The following CHAF1A variants were observed in gnomAD, a reference collection of about 807,000 sequenced individuals.
The protein encoded by CHAF1A is CAF-1 subunit A.
Under a neutral mutation model 93.2 loss-of-function variants are expected in CHAF1A, and 5 were observed. That is an observed-to-expected ratio of 0.05 (90% CI 0.03 to 0.11). The LOEUF (loss-of-function observed/expected upper bound fraction) is 0.11. Ranked by LOEUF, CHAF1A falls within the 10% of genes least tolerant of loss-of-function variation. CHAF1A has a pLI of 1.00. For synonymous variants in CHAF1A, 504 were observed against 510.3 expected (o/e 0.99, Z 0.17); for missense variants, 1,102 against 1,259.9 (o/e 0.87, Z 1.90).
In CHAF1A at chr19:4,408,939, A is replaced by C; in HGVS notation, c.140A>C (p.Lys47Thr). 6.2e-7 allele frequency: 1 copy of C among 1,611,224 alleles called. No homozygotes were observed. The highest frequency in any genetic ancestry group is 8.5e-7 in the Non-Finnish European group (1 of 1,179,258). The stretch of plus-strand genomic sequence containing the variant: ...TTTAAGCGCCTGAATCTTGTCCCAA[A>C]GGGGAAAGCCGATGACATGTCAGAC... Reference protein sequence around the residue: ...LPFKRLNLVPKGKADDMSDDQ... With the variant: ...LPFKRLNLVPTGKADDMSDDQ... Residue 47 changes from lysine (K) to threonine (T), a missense_variant, in exon 3 of 15, where the codon AAG (lysine) becomes ACG (threonine). Lys to Thr is a moderately conservative substitution (Grantham distance 78, BLOSUM62 -1). Around this residue, in one of 6 missense-constraint regions of CHAF1A, gnomAD observed 379 missense variants for 365.7 expected, o/e 1.04. Coordinates refer to ENST00000301280, the MANE Select transcript of CHAF1A (RefSeq NM_005483.3).
At position 4,443,199 on chromosome 19, in the gene CHAF1A, C is replaced by A. The variant is rs1974429721; in HGVS notation, c.*174C>A. The A allele has an allele frequency of 6.3e-6, 4 of 632,202 alleles. No individual in the cohort carries two copies. The highest frequency in any genetic ancestry group is 1.2e-5 in the Non-Finnish European group (4 of 344,496). 39.2% of individuals were successfully genotyped at this position (632,202 alleles called of 1,614,324 possible). A position where few individuals can be genotyped will look rare whatever the true frequency, so the allele number is the denominator to read the frequency against. ...TTCCTTTGATATTTGTAAAAATTCC[C>A]CCAAGAGCCGCATATGAATCTGCCC... On this transcript the variant is annotated 3_prime_UTR_variant, in exon 15 of 15. Transcript: ENST00000301280.
At chr19:4,425,155 A>G (rs377340353) in intron 7 of CHAF1A, among the ~76,000 whole-genome samples, 2 of 152,284 alleles carry the variant, frequency 1.3e-5, no homozygotes, top group Admixed American at 6.5e-5. Flanking sequence ...TTGTACCTAC[A>G]CATCATATTG....
At chr19:4,406,508 C>G (rs936574702) in intron 2 of CHAF1A, among the ~76,000 whole-genome samples, 1 of 148,682 alleles carries the variant, frequency 6.7e-6, no homozygotes, top group African/African-American at 2.5e-5. Flanking sequence ...GATCTCTGCT[C>G]ACTGCAACCT....
chr19:4,416,318 C>A (rs147271356), intron 3 of CHAF1A, among the ~76,000 whole-genome samples: 1 of 152,228 alleles, frequency 6.6e-6, no homozygotes, highest in Non-Finnish European at 1.5e-5. Context: ...CACTCTTAAG[C>A]GTCTCTTCCC....
At chr19:4,427,252 C>T (rs1250019386) in intron 7 of CHAF1A, among the ~76,000 whole-genome samples, 1 of 138,458 alleles carries the variant, frequency 7.2e-6, no homozygotes, top group African/African-American at 2.7e-5. Context: ...CAGATCCAAA[C>T]GATTCTCCTG....
downstream of CHAF1A, chr19:4,446,459 C>T: frequency 6.3e-7 from 1 of 1,582,772 alleles, no homozygotes; most frequent in Non-Finnish European, 8.6e-7. Context: ...GGTTCTTCCA[C>T]CCCGCCCCGC....
chr19:4,442,437 A>G lies in CHAF1A; in HGVS notation c.2770+96A>G, dbSNP rs1344169479. On this transcript the variant is annotated intron_variant, in intron 14 of 14. Coordinates refer to ENST00000301280, the MANE Select transcript of CHAF1A (RefSeq NM_005483.3). ...GATGGGGCTGCCTAAGACTAGCTCC[A>G]CTGTGAGCAGCCAGGAGGGCTTGCA... 22 of 1,032,078 alleles carry G rather than the reference A, an allele frequency of 2.1e-5. 1 individual carries two copies. Among genetic ancestry groups the G allele is most frequent in the Non-Finnish European group, 3.1e-5 (21 of 685,032 alleles). 63.9% of individuals were successfully genotyped at this position (1,032,078 alleles called of 1,614,324 possible).
In CHAF1A at chr19:4,443,042, T is replaced by C; in HGVS notation, c.*17T>C. The C allele has an allele frequency of 6.7e-7, 1 of 1,487,494 alleles. No homozygotes were observed. The highest frequency in any genetic ancestry group is 9.2e-7 in the Non-Finnish European group (1 of 1,081,956). 92.1% of individuals were successfully genotyped at this position (1,487,494 alleles called of 1,614,324 possible). A position where few individuals can be genotyped will look rare whatever the true frequency, so the allele number is the denominator to read the frequency against. ...GCATCCTGAGAGCAGGGGTGACGTA[T>C]GTAGAATGCTTAGGGTGTCCTCCCC... On this transcript the variant is annotated 3_prime_UTR_variant, in exon 15 of 15. Transcript: ENST00000301280.
Position 4,422,656 on chromosome 19 carries a change from G to A in CHAF1A, c.1108G>A (p.Glu370Lys), listed in dbSNP as rs1599649339. Residue 370 changes from glutamate (E) to lysine (K), a missense_variant, in exon 5 of 15, where the codon GAG becomes AAG. Transcript: ENST00000301280. The surrounding 1 kb of genome is among the most constrained non-coding windows in gnomAD (Gnocchi z 4.6). ...LKEEAKRAKE[E>K]AKKKKEEEKE... The stretch of plus-strand genomic sequence containing the variant: ...AGAGGAGGCCAAGCGGGCCAAGGAG[G>A]AGGCCAAGAAGAAGAAGGAGGAAGA... 3 of 1,606,910 alleles carry A rather than the reference G, an allele frequency of 1.9e-6. No homozygotes were observed. In the East Asian group the frequency reaches 6.7e-5, roughly 36 times the overall value.
intron 3 of CHAF1A, among the ~76,000 whole-genome samples, chr19:4,415,273 A>G (rs1179746543): frequency 6.6e-6 from 1 of 152,204 alleles, no homozygotes; most frequent in Non-Finnish European, 1.5e-5. Flanking sequence ...AGCAAAAAAG[A>G]TACCAGTTTT....
chr19:4,409,551 C>G lies in CHAF1A; in HGVS notation c.752C>G (p.Pro251Arg), dbSNP rs151103031. 4.0e-5 allele frequency: 65 copies of G among 1,613,916 alleles called. No homozygotes were observed. The highest frequency in any genetic ancestry group is 5.3e-5 in the Non-Finnish European group (63 of 1,180,008). Reference sequence around the variant, plus strand: ...CAGGACATCTTGGCTGTGAGACCACCGCAAATCAAGTCCCTTCCAGCCACA... The same window carrying G: ...CAGGACATCTTGGCTGTGAGACCACGGCAAATCAAGTCCCTTCCAGCCACA... ...VLQDILAVRP[P>R]QIKSLPATPQ... Residue 251 changes from proline (P) to arginine (R), a missense_variant, in exon 3 of 15, where the codon CCG becomes CGG. Physicochemically the swap from Pro to Arg is moderately radical, Grantham distance 103. Around this residue, in one of 6 missense-constraint regions of CHAF1A, gnomAD observed 379 missense variants for 365.7 expected, o/e 1.04. Coordinates refer to ENST00000301280, the MANE Select transcript of CHAF1A (RefSeq NM_005483.3).
downstream of CHAF1A, chr19:4,447,323 C>T (rs537715794): frequency 5.1e-6 from 3 of 584,034 alleles, no homozygotes; most frequent in Admixed American, 8.9e-5. Flanking sequence ...GAAAAGGATG[C>T]AGGTGAGGAG....
At chr19:4,409,884 C>A (rs1973761351) in intron 3 of CHAF1A, 125 bp downstream of exon 3, 1 of 1,091,084 alleles carries the variant, frequency 9.2e-7, no homozygotes, top group African/African-American at 1.6e-5. Context: ...GGTCCTGGGA[C>A]TCGACGTGGA....
chr19:4,432,515 C>T (rs572165001), intron 12 of CHAF1A, among the ~76,000 whole-genome samples: 107 of 152,212 alleles, frequency 7.0e-4, no homozygotes, highest in African/African-American at 2.5e-3. Context: ...GATGCCAGCA[C>T]TTTGGGAGGC....
chr19:4,440,944 C>A (rs1289603364), intron 13 of CHAF1A, among the ~76,000 whole-genome samples: 1 of 151,496 alleles, frequency 6.6e-6, no homozygotes, highest in Middle Eastern at 3.2e-3. Context: ...ATGGCGAAAC[C>A]CCCGTCTGTA....
chr19:4,406,674 C>T (rs1973687219), intron 2 of CHAF1A, among the ~76,000 whole-genome samples: 1 of 152,078 alleles, frequency 6.6e-6, no homozygotes. Context: ...ACCTTGTGAT[C>T]CCCCTGCCTC....
At chr19:4,446,674 T>C (rs1568188851), downstream of CHAF1A, 2 of 1,611,730 alleles carry the variant, frequency 1.2e-6, no homozygotes, top group South Asian at 1.1e-5. Context: ...GCTCTGGGGC[T>C]GGGCCAAGGT....
chr19:4,448,774 C>T (rs1158198679), downstream of CHAF1A: 1 of 259,714 alleles, frequency 3.9e-6, no homozygotes, highest in African/African-American at 2.2e-5. Flanking sequence ...ACTTACAGAA[C>T]CTCCCGCCAC....
rs1317861759 is a variant in CHAF1A at position 4,443,358 on chromosome 19, A to G, written c.*333A>G. 18 of 326,634 alleles carry G rather than the reference A, an allele frequency of 5.5e-5. No individual in the cohort carries two copies. In the East Asian group the frequency reaches 1.3e-3, roughly 23 times the overall value. 20.2% of individuals were successfully genotyped at this position (326,634 alleles called of 1,614,324 possible). On this transcript the variant is annotated 3_prime_UTR_variant, in exon 15 of 15. Transcript: ENST00000301280. ...CCTGGCCACGTGCGCGGGCCCCTGG[A>G]CCTAACGAGGCAGTGTATAAACTTA...
Sources: gnomAD v4.1 joint callset for allele counts (sites outside exome capture counted in the v4.1 genomes callset) on GRCh38, gnomAD v4.1.1 for gene constraint, gnomAD v4.1.1 regional missense constraint, Gnocchi (gnomAD v3.1) non-coding constraint, MANE v1.5 for transcripts, NCBI Gene and HGNC (gene_info 2026-07-23, HGNC 2026-07-21) for gene names.